Variants in MDN1 observed in about 807,000 individuals in gnomAD.
MDN1 encodes the protein midasin.
Under a neutral mutation model 669.2 loss-of-function variants are expected in MDN1, and 266 were observed. That is an observed-to-expected ratio of 0.40 (90% CI 0.36 to 0.44). The LOEUF (loss-of-function observed/expected upper bound fraction) is 0.44, where lower values mean the gene tolerates loss of function less well. Ranked by LOEUF, MDN1 falls within the 20% of genes least tolerant of loss-of-function variation. MDN1 has a pLI of 1.00. For missense variants in MDN1, 5,940 were observed against 6,754.0 expected, an observed-to-expected ratio of 0.88 and a Z score of 4.22; for synonymous variants, 2,385 against 2,457.1, an observed-to-expected ratio of 0.97 and a Z score of 0.87.
rs896947035 is a variant in MDN1, at chr6:89,762,172, A to G, written c.2356+147T>C. 38 of 655,526 alleles carry G rather than the reference A, an allele frequency of 5.8e-5. No individual in the cohort carries two copies. In the African/African-American group the frequency reaches 6.6e-4, roughly 11 times the overall value. The allele number at this position is 655,526 out of a possible 1,614,324, so 40.6% of individuals were successfully genotyped here. ...CTGTTTTTGTGGAAATACGTGAATA[A>G]TGGGGCACAATACTTCACAATTAGT... On this transcript the variant is annotated intron_variant, in intron 16 of 101. Coordinates refer to ENST00000369393, the MANE Select transcript of MDN1 (RefSeq NM_014611.3).
chr6:89,765,502 T>C (rs914865929), intron 15 of MDN1, among the ~76,000 whole-genome samples: 1 of 152,210 alleles, frequency 6.6e-6, no homozygotes, highest in African/African-American at 2.4e-5. Context: ...ATTCTAAAGA[T>C]AAAGTCTCAC....
chr6:89,815,107 G>C lies in MDN1; in HGVS notation c.102+4399C>G, dbSNP rs549782060. The C allele has an allele frequency of 1.4e-5, 6 of 420,118 alleles. No individual in the cohort carries two copies. The East Asian group carries it at 3.5e-4, about 25-fold the overall frequency. The allele number at this position is 420,118 out of a possible 1,614,324, so 26.0% of individuals were successfully genotyped here. ...GCCTGAGCCAGAAGAGGATTCAGCTGTATGGAGCTGCCCCTGACCACTCAG... is the reference window on the plus strand; with the variant it reads ...GCCTGAGCCAGAAGAGGATTCAGCTCTATGGAGCTGCCCCTGACCACTCAG... On this transcript the variant is annotated intron_variant, in intron 1 of 101. Coordinates refer to ENST00000369393, the MANE Select transcript of MDN1 (RefSeq NM_014611.3).
chr6:89,652,128 T>C, intron 95 of MDN1, 64 bp downstream of exon 95: 6 of 1,308,782 alleles, frequency 4.6e-6, no homozygotes, highest in Non-Finnish European at 6.5e-6. Context: ...AAGTTTGCTA[T>C]ATGTTGAACA....
chr6:89,813,112 G>A (rs566966919), intron 1 of MDN1, among the ~76,000 whole-genome samples: 8 of 152,188 alleles, frequency 5.3e-5, no homozygotes, highest in African/African-American at 1.7e-4. Context: ...GGCTAATTTC[G>A]TATCTTTAGT....
intron 75 of MDN1, among the ~76,000 whole-genome samples, 155 bp downstream of exon 75, chr6:89,678,444 G>A (rs972589005): frequency 2.6e-5 from 4 of 152,216 alleles, no homozygotes; most frequent in Non-Finnish European, 5.9e-5. Context: ...TTTCCTGCAT[G>A]TGAGTGGAAC....
chr6:89,745,605 C>T lies in MDN1; in HGVS notation c.3926G>A (p.Arg1309Gln), dbSNP rs765635280. Residue 1309 changes from arginine (R) to glutamine (Q), a missense_variant, in exon 28 of 102, where the codon CGA (arginine) becomes CAA (glutamine). By Grantham distance (43) the Arg-to-Gln change is conservative. This residue lies in a region of MDN1 where 2,292 missense variants were observed against 2,638.3 expected (regional missense o/e 0.87). Transcript: ENST00000369393. ...ANDGYMLLAG[R>Q]VRKQEEIDVI... ...ATCAATTTCCTCCTGCTTCCTGACT[C>T]GACCTGCCAGAAGCATATAACCTGG... is the stretch of plus-strand genomic sequence containing the variant. 6 of 1,613,966 alleles carry T rather than the reference C, an allele frequency of 3.7e-6. No homozygotes were observed. The highest frequency in any genetic ancestry group is 1.7e-5 in the Admixed American group (1 of 59,998).
Position 89,670,946 on chromosome 6 carries a change from G to A in MDN1, c.13929C>T (p.Ala4643=). 1 of 1,614,132 alleles carries A rather than the reference G, an allele frequency of 6.2e-7. No individual in the cohort carries two copies. The highest frequency in any genetic ancestry group is 1.1e-5 in the South Asian group (1 of 91,078). Residue 4643 remains alanine (A), a synonymous_variant, in exon 83 of 102, where the codon GCC becomes GCT. Transcript: ENST00000369393. ...RSTAKLLSVL[A]QVFTELAQKG... is the part of the protein sequence containing the mutation. Reference sequence around the variant, plus strand: ...TCTGGGCAAGCTCTGTAAAGACCTGGGCAAGCACAGAGAGCAGCTTTGCAG... The same window carrying A: ...TCTGGGCAAGCTCTGTAAAGACCTGAGCAAGCACAGAGAGCAGCTTTGCAG...
chr6:89,787,198 T>C (rs952925422), intron 8 of MDN1, among the ~76,000 whole-genome samples: 2 of 152,188 alleles, frequency 1.3e-5, no homozygotes, highest in Non-Finnish European at 2.9e-5. Context: ...TCATTAACTA[T>C]AGAATGATGT....
At chr6:89,799,859 T>C (rs1767516118) in intron 2 of MDN1, among the ~76,000 whole-genome samples, 1 of 152,166 alleles carries the variant, frequency 6.6e-6, no homozygotes, top group African/African-American at 2.4e-5. Context: ...GCTCCAGGAA[T>C]TGTAATTTCC....
chr6:89,724,239 A>G (rs1034110065), intron 38 of MDN1, among the ~76,000 whole-genome samples: 3 of 152,214 alleles, frequency 2.0e-5, no homozygotes, highest in Non-Finnish European at 4.4e-5. Context: ...TATTCACTAT[A>G]AAAGTCATCC....
chr6:89,660,847 G>C (rs1809698128), intron 88 of MDN1, among the ~76,000 whole-genome samples: 1 of 152,160 alleles, frequency 6.6e-6, no homozygotes, highest in South Asian at 2.1e-4. Context: ...GCAGCAGCAG[G>C]AATGGGGCCC....
chr6:89,688,453 C>A, intron 66 of MDN1, 120 bp downstream of exon 66: 1 of 881,254 alleles, frequency 1.1e-6, no homozygotes. Context: ...AACTGCAGTT[C>A]TTTAAGCCTT....
chr6:89,678,704 C>G lies in MDN1; in HGVS notation c.12307G>C (p.Val4103Leu). ...TTCTCCTTCTCTGCAGAGGGTTCCA[C>G]CTTTAAGCTCTGCAGCTCACTCACA... ...SSVSELQSLK[V>L]EPSAEKEKQR... The change falls in exon 75 of 102, where the codon GTG (valine) becomes CTG (leucine). Residue 4103 changes from valine to leucine, a missense_variant. By Grantham distance (32) the Val-to-Leu change is conservative. Coordinates refer to ENST00000369393, the MANE Select transcript of MDN1 (RefSeq NM_014611.3). 1.9e-6 allele frequency: 3 copies of G among 1,614,008 alleles called. No homozygotes were observed. The highest frequency in any genetic ancestry group is 2.5e-6 in the Non-Finnish European group (3 of 1,179,926).
At position 89,685,941 on chromosome 6, in the gene MDN1, T is replaced by A. The variant is rs1044817069; in HGVS notation, c.11605A>T (p.Ser3869Cys). The change falls in exon 70 of 102, where the codon AGC becomes TGC. Residue 3869 changes from serine to cysteine, a missense_variant. Ser to Cys is a moderately radical substitution (Grantham distance 112, BLOSUM62 -1). Transcript: ENST00000369393. ...CCTTCAATAAATGCTTGTAATGTGC[T>A]GACCAGCAACATCAAGGTCATCTGT... ...DKQMTLMLLV[S>C]TLQAFIEGSS... 26 of 1,613,662 alleles carry A rather than the reference T, an allele frequency of 1.6e-5. No individual in the cohort carries two copies. The highest frequency in any genetic ancestry group is 2.1e-5 in the Non-Finnish European group (25 of 1,179,940).
chr6:89,789,745 T>C, intron 7 of MDN1, 35 bp downstream of exon 7: 1 of 1,558,514 alleles, frequency 6.4e-7, no homozygotes, highest in Non-Finnish European at 8.7e-7. Flanking sequence ...CAGGAAAATA[T>C]ATTAAGGGAC....
At chr6:89,652,478 A>C (rs1808946468) in intron 94 of MDN1, among the ~76,000 whole-genome samples, 197 bp from the exon 95 acceptor site, 1 of 152,258 alleles carries the variant, frequency 6.6e-6, no homozygotes, top group Non-Finnish European at 1.5e-5. Context: ...TTAGAGAGAC[A>C]ATATGGATAA....
intron 90 of MDN1, among the ~76,000 whole-genome samples, chr6:89,657,082 C>T (rs1395932258): frequency 1.3e-5 from 2 of 152,224 alleles, no homozygotes; most frequent in Admixed American, 1.3e-4. Flanking sequence ...AAAGACAGGA[C>T]AGACCTCAAT....
In MDN1 at chr6:89,718,355, AAT is replaced by A. The variant is rs776800757; in HGVS notation, c.6583+9_6583+10del. 1 of 1,611,380 alleles carries A rather than the reference AAT, an allele frequency of 6.2e-7. No homozygotes were observed. On this transcript the variant is annotated intron_variant, in intron 43 of 101. Transcript: ENST00000369393. ...GGTAAGTTCCTGATACAGAGATCCA[AAT>A]ATACATACCTGCCTTGCAGTATGAG... is the stretch of plus-strand genomic sequence containing the variant.
At chr6:89,735,937 T>C (rs1036036681) in intron 33 of MDN1, among the ~76,000 whole-genome samples, 22 of 152,286 alleles carry the variant, frequency 1.4e-4, no homozygotes, top group African/African-American at 5.1e-4. Context: ...GGAGAATTGC[T>C]TGAACCCAGG....
Sources: gnomAD v4.1 joint callset for allele counts (sites outside exome capture counted in the v4.1 genomes callset) on GRCh38, gnomAD v4.1.1 for gene constraint, gnomAD v4.1.1 regional missense constraint, MANE v1.5 for transcripts, NCBI Gene and HGNC (gene_info 2026-07-23, HGNC 2026-07-21) for gene names.